Variants in CRACDL observed in about 807,000 individuals in gnomAD.
CRACDL encodes the protein CRACD-like protein.
Under a neutral mutation model 70.6 loss-of-function variants are expected in CRACDL, and 26 were observed. The observed-to-expected ratio is 0.37, with a 90% CI of 0.27 to 0.51. The LOEUF (loss-of-function observed/expected upper bound fraction) is 0.51. CRACDL is among the 20% of genes least tolerant of loss of function. The pLI is 0.94. For synonymous variants in CRACDL, 618 were observed against 615.2 expected, an observed-to-expected ratio of 1.00 and a Z score of -0.07; for missense variants, 1,283 against 1,376.9, an observed-to-expected ratio of 0.93 and a Z score of 1.08.
At chr2:98,870,297 C>T (rs1305406789) in intron 1 of CRACDL, among the ~76,000 whole-genome samples, 7 of 152,144 alleles carry the variant, frequency 4.6e-5, no homozygotes, top group Non-Finnish European at 1.0e-4. Flanking sequence ...CTGAAAAAGC[C>T]CTAGTTTGCT....
intron 1 of CRACDL, among the ~76,000 whole-genome samples, chr2:98,918,046 T>C (rs984759120): frequency 6.6e-6 from 1 of 152,232 alleles, no homozygotes; most frequent in East Asian, 1.9e-4. Context: ...GTTGATTCCA[T>C]ATCTTTGCTA....
At chr2:98,844,455 A>G (rs1208475200) in intron 2 of CRACDL, among the ~76,000 whole-genome samples, 3 of 152,072 alleles carry the variant, frequency 2.0e-5, no homozygotes, top group Admixed American at 6.5e-5. Flanking sequence ...CCTTGTGTGC[A>G]TATCTGTGGC....
intron 5 of CRACDL, among the ~76,000 whole-genome samples, chr2:98,828,707 A>G (rs562702049): frequency 6.6e-6 from 1 of 152,358 alleles, no homozygotes; most frequent in African/African-American, 2.4e-5. Flanking sequence ...GATAATTACT[A>G]AAATGGGGGA....
At chr2:98,850,294 A>C (rs1706429858) in intron 1 of CRACDL, among the ~76,000 whole-genome samples, 1 of 152,228 alleles carries the variant, frequency 6.6e-6, no homozygotes, top group Non-Finnish European at 1.5e-5. Flanking sequence ...AAAGGTGGAG[A>C]ACTGTTTCCT....
chr2:98,822,377 C>A lies in CRACDL; in HGVS notation c.1896G>T (p.Leu632=). 6.8e-7 allele frequency: 1 copy of A among 1,474,726 alleles called. No individual in the cohort carries two copies. The highest frequency in any genetic ancestry group is 8.9e-7 in the Non-Finnish European group (1 of 1,122,024). The allele number at this position is 1,474,726 out of a possible 1,614,324, so 91.4% of individuals were successfully genotyped here. The change falls in exon 7 of 10, where the codon CTG becomes CTT. Residue 632 remains leucine (L), a synonymous_variant. Transcript: ENST00000397899. The surrounding 1 kb of genome is among the most constrained non-coding windows in gnomAD (Gnocchi z 4.9). ...PQHAKPGPRK[L]AERGPQDSGD... is the part of the protein sequence containing the mutation. ...CCGAGTCCTGAGGGCCGCGCTCCGC[C>A]AGCTTCCGAGGGCCAGGTTTCGCGT...
chr2:98,796,023 G>A, intron 9 of CRACDL, 97 bp downstream of exon 9: 1 of 1,167,706 alleles, frequency 8.6e-7, no homozygotes, highest in Non-Finnish European at 1.3e-6. Flanking sequence ...AATGTTGCAA[G>A]TAATTTGCAA....
At chr2:98,806,760 GA>G in intron 7 of CRACDL, among the ~76,000 whole-genome samples, 1 of 152,302 alleles carries the variant, frequency 6.6e-6, no homozygotes, top group South Asian at 2.1e-4. Flanking sequence ...AGAAAAAGGT[GA>G]AAAATTATTC....
intron 1 of CRACDL, among the ~76,000 whole-genome samples, chr2:98,924,440 G>T (rs1708869269): frequency 6.6e-6 from 1 of 152,212 alleles, no homozygotes; most frequent in South Asian, 2.1e-4. Context: ...TAATACATGA[G>T]GCTATAATAT....
intron 5 of CRACDL, among the ~76,000 whole-genome samples, chr2:98,831,189 G>C (rs1705527771): frequency 6.6e-6 from 1 of 152,206 alleles, no homozygotes; most frequent in African/African-American, 2.4e-5. Flanking sequence ...GGAATGAGCA[G>C]GGACAGCTTC....
At chr2:98,886,829 A>T (rs1707809196) in intron 1 of CRACDL, among the ~76,000 whole-genome samples, 1 of 152,246 alleles carries the variant, frequency 6.6e-6, no homozygotes, top group Admixed American at 6.5e-5. Context: ...TTATATTTTT[A>T]AAATTTTCAG....
intron 1 of CRACDL, among the ~76,000 whole-genome samples, chr2:98,902,016 C>T (rs1472370261): frequency 6.6e-6 from 1 of 151,978 alleles, no homozygotes; most frequent in Non-Finnish European, 1.5e-5. Flanking sequence ...GATGGAAGAG[C>T]CCCCCATGCC....
At chr2:98,820,199 T>A (rs1343478560) in intron 7 of CRACDL, among the ~76,000 whole-genome samples, 2 of 152,060 alleles carry the variant, frequency 1.3e-5, no homozygotes, top group African/African-American at 4.8e-5. Flanking sequence ...CTTATTTGTG[T>A]AGTTTCATTT....
At chr2:98,812,133 A>G (rs930571118) in intron 7 of CRACDL, among the ~76,000 whole-genome samples, 9 of 152,006 alleles carry the variant, frequency 5.9e-5, no homozygotes, top group African/African-American at 2.2e-4. Flanking sequence ...GCACCACCGC[A>G]CTCAGTTAAT....
At position 98,823,433 on chromosome 2, in the gene CRACDL, A is replaced by G. The variant is rs752865979; in HGVS notation, c.840T>C (p.Ser280=). 2.5e-6 allele frequency: 4 copies of G among 1,582,890 alleles called. No homozygotes were observed. The South Asian group carries it at 4.5e-5, about 18-fold the overall frequency. ...TGTCTGGCGCCACGTCCTGCTGCCC[A>G]GAGCTGGGGCGCTCTTCTGGGCTGA... The part of the protein sequence containing the change: ...LEVSPEERPS[S]GQQDVAPDRG... The change falls in exon 7 of 10, where the codon TCT becomes TCC. Residue 280 remains serine (S), a synonymous_variant. Transcript: ENST00000397899. This position sits in a 1 kb window ranked among gnomAD's most constrained non-coding sequence, Gnocchi z 4.0.
At chr2:98,856,030 A>G (rs1393353963) in intron 1 of CRACDL, among the ~76,000 whole-genome samples, 1 of 152,224 alleles carries the variant, frequency 6.6e-6, no homozygotes, top group East Asian at 1.9e-4. Context: ...AAAGGAGAGG[A>G]CAGAGAAAAA....
At chr2:98,847,407 G>C (rs757187527) in intron 1 of CRACDL, among the ~76,000 whole-genome samples, 1 of 152,018 alleles carries the variant, frequency 6.6e-6, no homozygotes, top group Non-Finnish European at 1.5e-5. Context: ...TTTTTTGAAT[G>C]CAATGAAAAA....
chr2:98,871,688 C>T (rs553173134), intron 1 of CRACDL, among the ~76,000 whole-genome samples: 1 of 152,272 alleles, frequency 6.6e-6, no homozygotes, highest in Admixed American at 6.5e-5. Context: ...ACCCAGCATT[C>T]TTATAACAGT....
At chr2:98,811,711 C>T (rs1004615088) in intron 7 of CRACDL, among the ~76,000 whole-genome samples, 2 of 152,064 alleles carry the variant, frequency 1.3e-5, no homozygotes, top group Non-Finnish European at 2.9e-5. Context: ...CTCCTACTCC[C>T]AACCCCTGGC....
At chr2:98,844,421 G>C (rs1049424422) in intron 2 of CRACDL, among the ~76,000 whole-genome samples, 1 of 152,106 alleles carries the variant, frequency 6.6e-6, no homozygotes, top group Non-Finnish European at 1.5e-5. Context: ...TCTCTTGTCT[G>C]CCTTCATGTG....
Sources: allele counts gnomAD v4.1 joint callset (sites outside exome capture counted in the v4.1 genomes callset), GRCh38; gene constraint gnomAD v4.1.1; non-coding constraint Gnocchi (gnomAD v3.1); transcripts MANE v1.5; gene names NCBI Gene and HGNC (gene_info 2026-07-23, HGNC 2026-07-21).